The following CEP70 variants were observed in gnomAD, a reference collection of about 807,000 sequenced individuals.
CEP70 encodes the protein centrosomal protein of 70 kDa.
Under a neutral mutation model 90.9 loss-of-function variants are expected in CEP70, and 70 were observed. That is an observed-to-expected ratio of 0.77 (90% CI 0.64 to 0.94). The LOEUF (loss-of-function observed/expected upper bound fraction) is 0.94. Ranked by LOEUF, CEP70 falls within the 40% of genes least tolerant of loss-of-function variation. The pLI is 0.00. For missense variants in CEP70, 648 were observed against 669.0 expected (o/e 0.97, Z 0.35); for synonymous variants, 220 against 228.3 (o/e 0.96, Z 0.33).
chr3:138,514,241 GC>G lies in CEP70; in HGVS notation c.945-5698del, dbSNP rs555364890. Among the ~76,000 whole-genome samples, 9 of 152,176 alleles carry G rather than the reference GC, an allele frequency of 5.9e-5. No individual in the cohort carries two copies. In the South Asian group the frequency reaches 1.9e-3, roughly 32 times the overall value. On this transcript the variant is annotated intron_variant, in intron 11 of 17. Transcript: ENST00000264982. ...TGTTGGAATTTCGTCAAGGCTCCTG[GC>G]CCCAAGTTGTAACCTCTTACTTATC...
intron 2 of CEP70, among the ~76,000 whole-genome samples, chr3:138,575,704 A>G (rs2041468345): frequency 6.6e-6 from 1 of 152,234 alleles, no homozygotes; most frequent in Non-Finnish European, 1.5e-5. Context: ...CCAGAGAGAA[A>G]GCTCGGGTTA....
Position 138,579,535 on chromosome 3 carries a change from A to G in CEP70, c.-5-6603T>C, listed in dbSNP as rs991969463. On this transcript the variant is annotated intron_variant, in intron 2 of 17. Coordinates refer to ENST00000264982, the MANE Select transcript of CEP70 (RefSeq NM_024491.4). ...ACTCGGATACCAGCTCAGTCACAGT[A>G]GGATAGGGCACTGAGCAGAGTTATG... is the stretch of plus-strand genomic sequence containing the variant. Among the ~76,000 whole-genome samples the G allele has an allele frequency of 4.6e-5, 7 of 151,922 alleles. No homozygotes were observed. The East Asian group carries it at 1.2e-3, about 26-fold the overall frequency.
chr3:138,494,747 CTAAAACAACCT>C lies in CEP70; in HGVS notation c.*257_*267del, dbSNP rs2033858817. 1 of 253,284 alleles carries C rather than the reference CTAAAACAACCT, an allele frequency of 3.9e-6. No individual in the cohort carries two copies. Among genetic ancestry groups the C allele is most frequent in the African/African-American group, 2.3e-5 (1 of 43,462 alleles). 15.7% of individuals were successfully genotyped at this position (253,284 alleles called of 1,614,324 possible). On this transcript the variant is annotated 3_prime_UTR_variant, in exon 18 of 18. Transcript: ENST00000264982. Reference sequence around the variant, plus strand: ...TCCTCTTTTACTCACAAACTCCACTCTAAAACAACCTTAAATTTTAAGCACTCAATAATTGC... The same window carrying C: ...TCCTCTTTTACTCACAAACTCCACTCTAAATTTTAAGCACTCAATAATTGC...
intron 12 of CEP70, 127 bp downstream of exon 12, chr3:138,508,312 C>A: frequency 1.5e-6 from 1 of 673,644 alleles, no homozygotes; most frequent in Non-Finnish European, 2.7e-6. Context: ...AAAGACAAGA[C>A]AGAATAAGTA....
intron 6 of CEP70, among the ~76,000 whole-genome samples, chr3:138,553,545 A>G: frequency 6.6e-6 from 1 of 150,590 alleles, no homozygotes; most frequent in South Asian, 2.1e-4. Context: ...CAGACATTCA[A>G]AGAATTGGTG....
chr3:138,503,267 T>C (rs546741786), intron 13 of CEP70, among the ~76,000 whole-genome samples: 1 of 152,188 alleles, frequency 6.6e-6, no homozygotes, highest in Non-Finnish European at 1.5e-5. Flanking sequence ...TGGAATCATA[T>C]AAGTGGAATC....
chr3:138,531,521 G>A (rs889387411), intron 8 of CEP70: 3 of 152,076 alleles, frequency 2.0e-5, no homozygotes, highest in Non-Finnish European at 2.9e-5. Context: ...TACAACAGCC[G>A]AGTTGAGTAG....
intron 6 of CEP70, among the ~76,000 whole-genome samples, chr3:138,539,890 A>C (rs1576726644): frequency 1.3e-5 from 2 of 152,362 alleles, no homozygotes; most frequent in East Asian, 3.8e-4. Context: ...AGGCAATACC[A>C]TACTGGACAT....
At position 138,519,817 on chromosome 3, in the gene CEP70, A is replaced by C. The variant is rs569439025; in HGVS notation, c.944+5673T>G. 4.6e-5 allele frequency among the ~76,000 whole-genome samples: 7 copies of C among 152,310 alleles called. No individual in the cohort carries two copies. In the South Asian group the frequency reaches 1.2e-3, roughly 27 times the overall value. ...AGCTAACATCATAATGACAGGATCA[A>C]ATTCACACATAACAATATTAACCTT... On this transcript the variant is annotated intron_variant, in intron 11 of 17. Coordinates refer to ENST00000264982, the MANE Select transcript of CEP70 (RefSeq NM_024491.4).
intron 6 of CEP70, among the ~76,000 whole-genome samples, chr3:138,556,933 A>G (rs2040052595): frequency 6.6e-6 from 1 of 152,192 alleles, no homozygotes; most frequent in Admixed American, 6.5e-5. Flanking sequence ...TTCAGAAGAC[A>G]GGGTTTGAGA....
intron 11 of CEP70, among the ~76,000 whole-genome samples, chr3:138,515,181 G>A (rs2035891643): frequency 6.6e-6 from 1 of 151,912 alleles, no homozygotes; most frequent in South Asian, 2.1e-4. Flanking sequence ...ACAGGGTCAG[G>A]GTCCTGCAAG....
chr3:138,511,789 T>C (rs987435038), intron 11 of CEP70, among the ~76,000 whole-genome samples: 4 of 152,236 alleles, frequency 2.6e-5, no homozygotes, highest in Admixed American at 1.3e-4. Flanking sequence ...TTTAGTCCCA[T>C]TGTTTTTCTA....
intron 1 of CEP70, among the ~76,000 whole-genome samples, chr3:138,593,545 AAC>A (rs1474179376): frequency 6.6e-6 from 1 of 152,158 alleles, no homozygotes; most frequent in Non-Finnish European, 1.5e-5. Flanking sequence ...TTGATTGAAA[AAC>A]AAAGTGGCAG....
intron 2 of CEP70, among the ~76,000 whole-genome samples, chr3:138,575,652 G>T (rs919903520): frequency 3.9e-5 from 6 of 152,180 alleles, no homozygotes; most frequent in Non-Finnish European, 8.8e-5. Flanking sequence ...ATAAGTGTCA[G>T]ATTCACCAAG....
intron 11 of CEP70, among the ~76,000 whole-genome samples, chr3:138,522,868 A>AT (rs1467551952): frequency 1.2e-4 from 19 of 152,378 alleles, no homozygotes; most frequent in Non-Finnish European, 2.5e-4. Flanking sequence ...TTCCTAACTC[A>AT]TTTTATGAGG....
chr3:138,581,261 G>A (rs1303087235), intron 2 of CEP70, among the ~76,000 whole-genome samples: 16 of 142,580 alleles, frequency 1.1e-4, no homozygotes, highest in African/African-American at 2.9e-4. Context: ...CAGACTGGGC[G>A]ACACAGTGAG....
chr3:138,562,097 G>A (rs1448671042), intron 6 of CEP70, among the ~76,000 whole-genome samples: 1 of 150,424 alleles, frequency 6.6e-6, no homozygotes. Flanking sequence ...GCAGAAGAAA[G>A]GATATCAGAG....
intron 6 of CEP70, among the ~76,000 whole-genome samples, chr3:138,543,777 C>T (rs2038950885): frequency 1.3e-5 from 2 of 152,106 alleles, no homozygotes; most frequent in African/African-American, 4.8e-5. Context: ...GCAATCCAAC[C>T]TGGGTGACAG....
At chr3:138,540,911 C>A (rs1332815384) in intron 6 of CEP70, among the ~76,000 whole-genome samples, 2 of 152,122 alleles carry the variant, frequency 1.3e-5, no homozygotes, top group Non-Finnish European at 2.9e-5. Flanking sequence ...ACTACATAGC[C>A]ATAAAAAAGA....
Sources: gnomAD v4.1 joint callset for allele counts (sites outside exome capture counted in the v4.1 genomes callset) on GRCh38, gnomAD v4.1.1 for gene constraint, MANE v1.5 for transcripts, NCBI Gene and HGNC (gene_info 2026-07-23, HGNC 2026-07-21) for gene names.